The following PRKAG2 variants were observed in gnomAD, a reference collection of about 807,000 sequenced individuals.
PRKAG2 encodes the protein protein kinase AMP-activated non-catalytic subunit gamma 2.
A neutral mutation model predicts 69.6 loss-of-function variants in PRKAG2; 26 were observed. That is an observed-to-expected ratio of 0.37 (90% CI 0.27 to 0.52). PRKAG2 has a LOEUF of 0.52. Among genes scored for constraint, PRKAG2 ranks in the 20% least tolerant of loss-of-function variants. The probability of loss-of-function intolerance (pLI) is 0.90; values close to 1 mark genes in which losing one functional copy is unlikely to be tolerated. For synonymous variants in PRKAG2, 293 were observed against 285.0 expected (o/e 1.03, Z -0.28); for missense variants, 557 against 740.0 (o/e 0.75, Z 2.87).
Position 151,781,083 on chromosome 7 carries a change from G to T in PRKAG2, c.466+69C>A. The T allele has an allele frequency of 6.3e-7, 1 of 1,595,248 alleles. No homozygotes were observed. The highest frequency in any genetic ancestry group is 8.6e-7 in the Non-Finnish European group (1 of 1,166,086). On this transcript the variant is annotated intron_variant, in intron 3 of 15. Transcript: ENST00000287878. The surrounding 1 kb of genome is among the most constrained non-coding windows in gnomAD (Gnocchi z 6.1). ...ACCTGGCAGCTTCGGTGCCACCGTG[G>T]ATGTGTGGCTGCAGAAGAGACCCCC...
chr7:151,647,353 A>G (rs1827740329), intron 4 of PRKAG2, among the ~76,000 whole-genome samples: 1 of 152,234 alleles, frequency 6.6e-6, no homozygotes, highest in South Asian at 2.1e-4. Context: ...ACATTTGGGT[A>G]TTCAATGAGA....
intron 4 of PRKAG2, among the ~76,000 whole-genome samples, chr7:151,662,819 A>G (rs1830517137): frequency 6.6e-6 from 1 of 152,166 alleles, no homozygotes; most frequent in Non-Finnish European, 1.5e-5. Context: ...GGATAGCTTG[A>G]GCCCAGGAGT....
chr7:151,805,510 A>G (rs2078056988), intron 1 of PRKAG2, among the ~76,000 whole-genome samples: 1 of 152,228 alleles, frequency 6.6e-6, no homozygotes, highest in African/African-American at 2.4e-5. Flanking sequence ...TTATGTAGCA[A>G]TAGGTGATCT....
Position 151,556,336 on chromosome 7 carries a change from A to C in PRKAG2, c.*865T>G, listed in dbSNP as rs1328757275. On this transcript the variant is annotated 3_prime_UTR_variant, in exon 16 of 16. Coordinates refer to ENST00000287878, the MANE Select transcript of PRKAG2 (RefSeq NM_016203.4). ...AATCGCATCAGCAGTCATAACAAAC[A>C]TCATGATTTTACATTTCAATACACA... The C allele has an allele frequency of 6.6e-6, 1 of 152,644 alleles. No homozygotes were observed. The highest frequency in any genetic ancestry group is 2.4e-5 in the African/African-American group (1 of 41,464). 9.5% of individuals were successfully genotyped at this position (152,644 alleles called of 1,614,324 possible). A position where few individuals can be genotyped will look rare whatever the true frequency, so the allele number is the denominator to read the frequency against.
In PRKAG2 at chr7:151,613,547, G is replaced by C. The variant is rs182743173; in HGVS notation, c.755-18093C>G. ...GAGTCTCGTTCTGTCACCCAGGCTGGAGTGCAGTGGTAGGATCTAGGCTCA... is the reference window on the plus strand; with the variant it reads ...GAGTCTCGTTCTGTCACCCAGGCTGCAGTGCAGTGGTAGGATCTAGGCTCA... On this transcript the variant is annotated intron_variant, in intron 5 of 15. Transcript: ENST00000287878. 7.9e-5 allele frequency among the ~76,000 whole-genome samples: 12 copies of C among 152,300 alleles called. No individual in the cohort carries two copies. The East Asian group carries it at 1.9e-3, about 25-fold the overall frequency.
At chr7:151,865,505 G>A (rs769179260) in intron 1 of PRKAG2, among the ~76,000 whole-genome samples, 13 of 152,222 alleles carry the variant, frequency 8.5e-5, no homozygotes, top group African/African-American at 3.1e-4. Context: ...CCTTGTGAGG[G>A]GAGAGAGGGG....
intron 12 of PRKAG2, 106 bp downstream of exon 12, chr7:151,565,614 C>G: frequency 6.8e-7 from 1 of 1,468,762 alleles, no homozygotes; most frequent in South Asian, 1.2e-5. Flanking sequence ...ATTCACCATA[C>G]CCAAGTTTTC....
At chr7:151,762,267 T>C (rs1324814782) in intron 3 of PRKAG2, among the ~76,000 whole-genome samples, 1 of 152,130 alleles carries the variant, frequency 6.6e-6, no homozygotes, top group Non-Finnish European at 1.5e-5. Context: ...ATCTCCAGGG[T>C]GGGAAATGAC....
intron 5 of PRKAG2, among the ~76,000 whole-genome samples, chr7:151,623,552 A>C (rs1822080047): frequency 6.6e-6 from 1 of 152,078 alleles, no homozygotes; most frequent in African/African-American, 2.4e-5. Flanking sequence ...GCCGATTCCT[A>C]ACAGTAGTGG....
intron 4 of PRKAG2, among the ~76,000 whole-genome samples, chr7:151,643,243 T>C (rs900550601): frequency 4.6e-5 from 7 of 152,206 alleles, no homozygotes; most frequent in African/African-American, 1.7e-4. Flanking sequence ...AATAAAAAAA[T>C]AAGTAATGCT....
chr7:151,793,076 C>T (rs180848940), intron 1 of PRKAG2, among the ~76,000 whole-genome samples: 109 of 152,054 alleles, frequency 7.2e-4, no homozygotes, highest in Non-Finnish European at 1.3e-3. Flanking sequence ...GTAGCTCGCA[C>T]GTTCTCTGTT....
At chr7:151,740,171 C>A (rs2073775620) in intron 3 of PRKAG2, among the ~76,000 whole-genome samples, 1 of 152,194 alleles carries the variant, frequency 6.6e-6, no homozygotes, top group African/African-American at 2.4e-5. Context: ...GACTACCTGG[C>A]CAGGCTCCTC....
rs1420392669 is a variant in PRKAG2, at chr7:151,850,092, CACCGCCTAA to C, written c.114+26406_114+26414del. Among the ~76,000 whole-genome samples, 1 of 152,158 alleles carries C rather than the reference CACCGCCTAA, an allele frequency of 6.6e-6. No homozygotes were observed. The highest frequency in any genetic ancestry group is 1.5e-5 in the Non-Finnish European group (1 of 68,030). On this transcript the variant is annotated intron_variant, in intron 1 of 15. Transcript: ENST00000287878. This position sits in a 1 kb window ranked among gnomAD's most constrained non-coding sequence, Gnocchi z 4.1. ...ACACACCAGGGAGGCTGAGAACCCA[CACCGCCTAA>C]ACCGAGGGGCCGTGCACACAGGTGG...
At chr7:151,647,397 T>C (rs1245219815) in intron 4 of PRKAG2, among the ~76,000 whole-genome samples, 1 of 152,228 alleles carries the variant, frequency 6.6e-6, no homozygotes, top group African/African-American at 2.4e-5. Context: ...TATATTCTAA[T>C]TAGGTGACAG....
At position 151,712,654 on chromosome 7, in the gene PRKAG2, C is replaced by T. The variant is rs569090804; in HGVS notation, c.467-37017G>A. ...CAGGAGGCACCCAGGCACAATCAGGCTCCTGTTGCCAAAAAAGGGAGTGCA... is the reference window on the plus strand; with the variant it reads ...CAGGAGGCACCCAGGCACAATCAGGTTCCTGTTGCCAAAAAAGGGAGTGCA... On this transcript the variant is annotated intron_variant, in intron 3 of 15. Coordinates refer to ENST00000287878, the MANE Select transcript of PRKAG2 (RefSeq NM_016203.4). Among the ~76,000 whole-genome samples, 11 of 152,342 alleles carry T rather than the reference C, an allele frequency of 7.2e-5. No individual in the cohort carries two copies. In the East Asian group the frequency reaches 1.9e-3, roughly 27 times the overall value.
intron 3 of PRKAG2, among the ~76,000 whole-genome samples, chr7:151,701,615 G>A (rs572422679): frequency 3.1e-4 from 47 of 152,192 alleles, no homozygotes; most frequent in Non-Finnish European, 3.7e-4. Context: ...AGGCCGAGAC[G>A]GGCAGATCGA....
intron 14 of PRKAG2, among the ~76,000 whole-genome samples, chr7:151,563,440 A>G (rs1805533604): frequency 6.6e-6 from 1 of 152,256 alleles, no homozygotes; most frequent in Admixed American, 6.5e-5. Flanking sequence ...GGGAAGAGAG[A>G]AAAAAGTTTT....
rs375605985 is a variant in PRKAG2, at chr7:151,855,095, C to G, written c.114+21412G>C. 7.6e-3 allele frequency among the ~76,000 whole-genome samples: 360 copies of G among 47,582 alleles called. 7 individuals are homozygous for G. The highest frequency in any genetic ancestry group is 0.039 in the South Asian group (53 of 1,370). The allele number at this position is 47,582 out of a possible 152,430, so 31.2% of individuals were successfully genotyped here. A position where few individuals can be genotyped will look rare whatever the true frequency, so the allele number is the denominator to read the frequency against. On this transcript the variant is annotated intron_variant, in intron 1 of 15. Coordinates refer to ENST00000287878, the MANE Select transcript of PRKAG2 (RefSeq NM_016203.4). ...ACACACCATCCTCCACACACACCATCCTCCACACACACCACCCTACACACA... is the reference window on the plus strand; with the variant it reads ...ACACACCATCCTCCACACACACCATGCTCCACACACACCACCCTACACACA...
chr7:151,740,373 C>CT (rs2073794902), intron 3 of PRKAG2, among the ~76,000 whole-genome samples: 1 of 152,238 alleles, frequency 6.6e-6, no homozygotes. Context: ...GTCAGGGACC[C>CT]TCTCCTTCAT....
Sources: allele counts gnomAD v4.1 joint callset (sites outside exome capture counted in the v4.1 genomes callset), GRCh38; gene constraint gnomAD v4.1.1; non-coding constraint Gnocchi (gnomAD v3.1); transcripts MANE v1.5; gene names NCBI Gene and HGNC (gene_info 2026-07-23, HGNC 2026-07-21).